MCF2L: variants seen among roughly 807,000 people sequenced by gnomAD.
The protein encoded by MCF2L is guanine nucleotide exchange factor DBS.
In MCF2L, 97 loss-of-function variants were observed where a neutral mutation model predicts 153.4. The ratio of observed to expected loss-of-function variants is 0.63; its 90% CI spans 0.54 to 0.75. The LOEUF (loss-of-function observed/expected upper bound fraction) is 0.75, where lower values mean the gene tolerates loss of function less well. MCF2L is among the 30% of genes least tolerant of loss of function. MCF2L has a pLI of 0.00. For synonymous variants in MCF2L, 659 were observed against 632.2 expected, an observed-to-expected ratio of 1.04 and a Z score of -0.64; for missense variants, 1,347 against 1,495.2, an observed-to-expected ratio of 0.90 and a Z score of 1.64.
chr13:113,039,029 T>C (rs2086321130), intron 3 of MCF2L, among the ~76,000 whole-genome samples: 1 of 152,174 alleles, frequency 6.6e-6, no homozygotes, highest in African/African-American at 2.4e-5. Flanking sequence ...TGCTGATTTT[T>C]TTTGTATTTT....
At chr13:113,017,135 A>G (rs754090459) in intron 2 of MCF2L, among the ~76,000 whole-genome samples, 79 of 152,268 alleles carry the variant, frequency 5.2e-4, no homozygotes, top group Non-Finnish European at 7.5e-4. Flanking sequence ...TGCGTTGCCA[A>G]TCGCCCCGTC....
intron 9 of MCF2L, among the ~76,000 whole-genome samples, chr13:113,071,411 C>T (rs973096393): frequency 1.3e-5 from 2 of 152,152 alleles, no homozygotes; most frequent in Non-Finnish European, 1.5e-5. Context: ...TTAATTTTGA[C>T]GAACTCCAAT....
chr13:113,021,005 G>GT (rs2141251536), intron 2 of MCF2L, among the ~76,000 whole-genome samples: 1 of 142,856 alleles, frequency 7.0e-6, no homozygotes, highest in African/African-American at 2.6e-5. Context: ...ATGTGTAGCT[G>GT]TGTATCTGTA....
chr13:113,020,852 T>C (rs1334804669), intron 2 of MCF2L, among the ~76,000 whole-genome samples: 2 of 150,218 alleles, frequency 1.3e-5, no homozygotes, highest in East Asian at 2.0e-4. Context: ...TGTTTGCATG[T>C]ATGTGTAGTG....
chr13:113,087,375 A>G lies in MCF2L; in HGVS notation c.2514A>G (p.Ala838=). Residue 838 remains alanine, a synonymous_variant, in exon 22 of 30, where the codon GCA becomes GCG. Coordinates refer to ENST00000535094, the MANE Select transcript of MCF2L (RefSeq NM_001112732.3). ...GGCACCTGTTCCTGCACGAGAAGGC[A>G]GTGCTCTTCTGCAAGAAGAGGGAGG... ...MQRHLFLHEK[A]VLFCKKREEN... The G allele has an allele frequency of 6.2e-7, 1 of 1,613,416 alleles. No homozygotes were observed. The highest frequency in any genetic ancestry group is 2.2e-5 in the East Asian group (1 of 44,878).
chr13:113,003,892 T>C (rs897476385), intron 1 of MCF2L, among the ~76,000 whole-genome samples: 1 of 152,164 alleles, frequency 6.6e-6, no homozygotes, highest in African/African-American at 2.4e-5. Context: ...CGAGCCCCAC[T>C]GGCCTTGGAG....
At chr13:113,016,835 C>T (rs537405605) in intron 2 of MCF2L, among the ~76,000 whole-genome samples, 7 of 152,344 alleles carry the variant, frequency 4.6e-5, no homozygotes, top group African/African-American at 1.4e-4. Flanking sequence ...CGCTCTGCTC[C>T]GCCCCCTTCG....
chr13:112,991,457 C>T (rs564686608), intron 1 of MCF2L, among the ~76,000 whole-genome samples: 2 of 152,046 alleles, frequency 1.3e-5, no homozygotes, highest in East Asian at 1.9e-4. Context: ...TCTCAGGATA[C>T]GAACACCTTT....
At position 112,940,479 on chromosome 13, in the gene MCF2L, C is replaced by T. The variant is rs966431088; in HGVS notation, c.169+38108C>T. Among the ~76,000 whole-genome samples, 7 of 152,344 alleles carry T rather than the reference C, an allele frequency of 4.6e-5. No homozygotes were observed. The South Asian group carries it at 1.0e-3, about 23-fold the overall frequency. On this transcript the variant is annotated intron_variant, in intron 2 of 29. Coordinates refer to the MCF2L transcript ENST00000375608. The stretch of plus-strand genomic sequence containing the variant: ...GGGTGGGGCGGGGAAGGCCCTGAGG[C>T]GCTGCCGGCTGTGTACCGCCTGGCC...
chr13:112,947,858 C>G (rs572337939), intron 2 of MCF2L, among the ~76,000 whole-genome samples: 1 of 152,314 alleles, frequency 6.6e-6, no homozygotes, highest in African/African-American at 2.4e-5. Context: ...GGCTCTGTCC[C>G]TACAACAAGT....
intron 2 of MCF2L, among the ~76,000 whole-genome samples, chr13:113,020,397 C>G (rs1235620231): frequency 6.6e-6 from 1 of 152,250 alleles, no homozygotes; most frequent in Non-Finnish European, 1.5e-5. Flanking sequence ...GCCTCCTGCC[C>G]AGGACGCGTG....
At chr13:112,947,899 A>G (rs974439728) in intron 2 of MCF2L, among the ~76,000 whole-genome samples, 1 of 152,216 alleles carries the variant, frequency 6.6e-6, no homozygotes, top group African/African-American at 2.4e-5. Flanking sequence ...TATCCACAGC[A>G]TACTTTGAAG....
intron 2 of MCF2L, among the ~76,000 whole-genome samples, chr13:112,925,085 G>C (rs1325294544): frequency 1.3e-5 from 2 of 152,298 alleles, no homozygotes; most frequent in African/African-American, 4.8e-5. Context: ...GTACCAGATG[G>C]ACCTGTGATT....
intron 20 of MCF2L, 70 bp downstream of exon 20, chr13:113,085,248 G>A (rs1018861193): frequency 1.4e-6 from 2 of 1,433,952 alleles, no homozygotes; most frequent in African/African-American, 1.4e-5. Flanking sequence ...CCGCCCTGGG[G>A]CCCCGTCCCC....
intron 4 of MCF2L, among the ~76,000 whole-genome samples, chr13:113,048,819 AT>A (rs1378488353): frequency 2.6e-5 from 4 of 152,194 alleles, no homozygotes; most frequent in African/African-American, 9.6e-5. Flanking sequence ...CTGCCTGGGC[AT>A]CACGGATGTG....
intron 2 of MCF2L, among the ~76,000 whole-genome samples, chr13:112,939,010 C>CAGGCTGCCCCAAGTCCCTCTTGCAA (rs2081549787): frequency 6.6e-6 from 1 of 151,914 alleles, no homozygotes; most frequent in African/African-American, 2.4e-5. Context: ...CCCTCTTGCA[C>CAGGCTGCCCCAAGTCCCTCTTGCAA]GAGGACAGGA....
chr13:112,898,384 C>T (rs2081088250), intron 1 of MCF2L, among the ~76,000 whole-genome samples: 1 of 152,172 alleles, frequency 6.6e-6, no homozygotes, highest in Admixed American at 6.5e-5. Context: ...CGCTTGGAAC[C>T]TGTGTGCGGA....
At chr13:112,949,898 T>C (rs2081674568) in intron 2 of MCF2L, among the ~76,000 whole-genome samples, 1 of 150,774 alleles carries the variant, frequency 6.6e-6, no homozygotes, top group Admixed American at 6.6e-5. Context: ...CTAGCTAGTG[T>C]AATAAATCAA....
At chr13:113,039,683 T>C (rs953752779) in intron 3 of MCF2L, among the ~76,000 whole-genome samples, 1 of 151,636 alleles carries the variant, frequency 6.6e-6, no homozygotes, top group Non-Finnish European at 1.5e-5. Flanking sequence ...TAAAAGAGGA[T>C]AGCCACTAGA....
Sources: allele counts gnomAD v4.1 joint callset (sites outside exome capture counted in the v4.1 genomes callset), GRCh38; gene constraint gnomAD v4.1.1; transcripts MANE v1.5; gene names NCBI Gene and HGNC (gene_info 2026-07-23, HGNC 2026-07-21).